The following PCSK5 variants were observed in gnomAD, a reference collection of about 807,000 sequenced individuals.
The protein encoded by PCSK5 is proprotein convertase subtilisin/kexin type 5.
PCSK5 carries 129 observed loss-of-function variants against 233.2 expected under a neutral mutation model. The observed-to-expected ratio is 0.55, with a 90% CI of 0.48 to 0.64. PCSK5 has a LOEUF of 0.64. Among genes scored for constraint, PCSK5 ranks in the 30% least tolerant of loss-of-function variants. The probability of loss-of-function intolerance (pLI) is 0.00; values close to 1 mark genes in which losing one functional copy is unlikely to be tolerated. For missense variants in PCSK5, 2,076 were observed against 2,430.1 expected (o/e 0.85, Z 3.06); for synonymous variants, 825 against 879.2 (o/e 0.94, Z 1.09).
At position 76,323,932 on chromosome 9, in the gene PCSK5, A is replaced by ATTTTTTTTTTTT. The variant is rs60451634; in HGVS notation, c.4339+649_4339+660dup. Among the ~76,000 whole-genome samples, 4 of 139,406 alleles carry ATTTTTTTTTTTT rather than the reference A, an allele frequency of 2.9e-5. 1 individual carries two copies. The highest frequency in any genetic ancestry group is 4.6e-5 in the Non-Finnish European group (3 of 65,110). The allele number at this position is 139,406 out of a possible 152,430, so 91.5% of individuals were successfully genotyped here. A position where few individuals can be genotyped will look rare whatever the true frequency, so the allele number is the denominator to read the frequency against. On this transcript the variant is annotated intron_variant, in intron 32 of 37. Transcript: ENST00000674117. ...TGCCTCTTGTCTCCCTTCCTGGGTG[A>ATTTTTTTTTTTT]TTTTTTTTTTTTTTTTGAGACAGAG...
intron 6 of PCSK5, among the ~76,000 whole-genome samples, 159 bp downstream of exon 6, chr9:76,068,202 C>T (rs781136670): frequency 4.6e-5 from 7 of 152,076 alleles, no homozygotes; most frequent in Non-Finnish European, 7.4e-5. Context: ...TGTTAGCATG[C>T]GCCTTTAAAT....
chr9:75,999,774 G>A (rs1827187073), intron 3 of PCSK5, among the ~76,000 whole-genome samples: 1 of 152,182 alleles, frequency 6.6e-6, no homozygotes, highest in Non-Finnish European at 1.5e-5. Flanking sequence ...AGATTTTGGG[G>A]CGCTTGCTCC....
At chr9:76,345,669 G>A (rs1044221936) in intron 35 of PCSK5, among the ~76,000 whole-genome samples, 2 of 151,924 alleles carry the variant, frequency 1.3e-5, no homozygotes, top group African/African-American at 4.8e-5. Context: ...TGATACACCC[G>A]CCTCAGCCTC....
chr9:75,908,988 T>TATCC (rs1468524190), intron 1 of PCSK5, among the ~76,000 whole-genome samples: 1 of 139,804 alleles, frequency 7.2e-6, no homozygotes, highest in African/African-American at 2.6e-5. Context: ...TCTATCTATC[T>TATCC]ATCCGATTTT....
intron 3 of PCSK5, among the ~76,000 whole-genome samples, chr9:75,993,230 G>A (rs1389158407): frequency 6.6e-6 from 1 of 151,974 alleles, no homozygotes; most frequent in Non-Finnish European, 1.5e-5. Context: ...AGGCAAGCAG[G>A]AGACCTCCTG....
intron 24 of PCSK5, among the ~76,000 whole-genome samples, chr9:76,246,321 G>A (rs1826592238): frequency 2.5e-5 from 3 of 122,262 alleles, no homozygotes; most frequent in African/African-American, 6.2e-5. Context: ...CACCCTGGGC[G>A]ACAGAGCGAG....
At chr9:76,126,228 C>T (rs955613796) in intron 9 of PCSK5, among the ~76,000 whole-genome samples, 7 of 149,766 alleles carry the variant, frequency 4.7e-5, no homozygotes, top group African/African-American at 1.7e-4. Flanking sequence ...ATTTTTTGTT[C>T]CTATCGATGA....
intron 3 of PCSK5, among the ~76,000 whole-genome samples, chr9:75,996,497 A>G (rs1339911809): frequency 6.6e-6 from 1 of 152,218 alleles, no homozygotes; most frequent in Non-Finnish European, 1.5e-5. Flanking sequence ...AATTATGATA[A>G]CTGCGATTTC....
At chr9:76,011,274 T>C (rs1448237014) in intron 3 of PCSK5, among the ~76,000 whole-genome samples, 1 of 152,204 alleles carries the variant, frequency 6.6e-6, no homozygotes. Flanking sequence ...AAATGCATTA[T>C]GGGATCCTTC....
chr9:76,356,804 G>A (rs1445389812), intron 37 of PCSK5, among the ~76,000 whole-genome samples: 1 of 152,092 alleles, frequency 6.6e-6, no homozygotes, highest in Non-Finnish European at 1.5e-5. Flanking sequence ...TTGCACCTTG[G>A]CAGCAGTGTT....
chr9:76,152,691 C>A (rs144695845), intron 10 of PCSK5, among the ~76,000 whole-genome samples: 1,586 of 152,226 alleles, frequency 0.01, 30 homozygotes, highest in African/African-American at 0.036. Flanking sequence ...TAAGGACAGT[C>A]CACTAAAAGA....
chr9:76,227,387 T>C, intron 20 of PCSK5, 116 bp from the exon 21 acceptor site: 2 of 699,404 alleles, frequency 2.9e-6, no homozygotes, highest in Non-Finnish European at 5.1e-6. Context: ...GCCTCTCCTC[T>C]CTGTGTTGTC....
chr9:75,891,065 C>CGAGCTGCGGCGGCCCGGGGCTGA lies in PCSK5; in HGVS notation c.-95_-94insAGAGCTGCGGCGGCCCGGGGCTG. 4.1e-6 allele frequency: 4 copies of CGAGCTGCGGCGGCCCGGGGCTGA among 968,128 alleles called. No homozygotes were observed. Among genetic ancestry groups the CGAGCTGCGGCGGCCCGGGGCTGA allele is most frequent in the Non-Finnish European group, 5.6e-6 (4 of 720,128 alleles). 60.0% of individuals were successfully genotyped at this position (968,128 alleles called of 1,614,324 possible). A position where few individuals can be genotyped will look rare whatever the true frequency, so the allele number is the denominator to read the frequency against. ...GCCTCCTGCCGATCGCCCGGGGCTG[C>CGAGCTGCGGCGGCCCGGGGCTGA]GAGCTGCGGCGGCCCGGGGCTGCTC... On this transcript the variant is annotated 5_prime_UTR_variant, in exon 1 of 38. Transcript: ENST00000674117.
At chr9:76,037,980 C>A (rs990770797) in intron 5 of PCSK5, among the ~76,000 whole-genome samples, 3 of 152,128 alleles carry the variant, frequency 2.0e-5, no homozygotes, top group African/African-American at 7.2e-5. Flanking sequence ...ATCCACGCAC[C>A]AGCTGCATGT....
chr9:76,255,361 T>A (rs1826950672), intron 24 of PCSK5, among the ~76,000 whole-genome samples: 1 of 152,158 alleles, frequency 6.6e-6, no homozygotes. Flanking sequence ...AAGCCACTGA[T>A]TAAGATAGAT....
rs573070951 is a variant in PCSK5 at position 76,177,238 on chromosome 9, G to A, written c.1900+2109G>A. On this transcript the variant is annotated intron_variant, in intron 14 of 37. Coordinates refer to ENST00000674117, the MANE Select transcript of PCSK5 (RefSeq NM_001372043.1). ...GAACTCAGGAGGCGGAGGTTGTAGT[G>A]AGCCGGGATCGTGCCACTTCACTCC... is the stretch of plus-strand genomic sequence containing the variant. 7.1e-4 allele frequency among the ~76,000 whole-genome samples: 108 copies of A among 152,164 alleles called. No homozygotes were observed. The South Asian group carries it at 0.011, about 15-fold the overall frequency.
Position 76,169,798 on chromosome 9 carries a change from G to A in PCSK5, c.1714G>A (p.Val572Ile). ...AGCTGCTGGTGACTGGGTCCTTGAAGTTTATGATACTCCCTCTCAGCTAAG... is the reference window on the plus strand; with the variant it reads ...AGCTGCTGGTGACTGGGTCCTTGAAATTTATGATACTCCCTCTCAGCTAAG... ...ERAAGDWVLEVYDTPSQLRNF... is the reference protein window; with the variant it reads ...ERAAGDWVLEIYDTPSQLRNF... The change falls in exon 13 of 38, where the codon GTT becomes ATT. Residue 572 changes from valine to isoleucine, a missense_variant. This residue lies in a region of PCSK5 where 50 missense variants were observed against 104.7 expected (regional missense o/e 0.48). Transcript: ENST00000674117. 1.2e-6 allele frequency: 2 copies of A among 1,613,770 alleles called. No individual in the cohort carries two copies. Among genetic ancestry groups the A allele is most frequent in the Non-Finnish European group, 1.7e-6 (2 of 1,179,738 alleles).
intron 9 of PCSK5, among the ~76,000 whole-genome samples, chr9:76,122,968 G>A (rs1832705941): frequency 6.7e-6 from 1 of 150,232 alleles, no homozygotes; most frequent in African/African-American, 2.5e-5. Context: ...CTCCCGAGTA[G>A]CTGGGATTAC....
chr9:76,184,543 G>A (rs1236521035), intron 16 of PCSK5, 130 bp from the exon 17 acceptor site: 3 of 536,096 alleles, frequency 5.6e-6, no homozygotes, highest in Non-Finnish European at 9.8e-6. Flanking sequence ...TGATTCTGTG[G>A]CTTTTCCTGC....
Sources: gnomAD v4.1 joint callset for allele counts (sites outside exome capture counted in the v4.1 genomes callset) on GRCh38, gnomAD v4.1.1 for gene constraint, gnomAD v4.1.1 regional missense constraint, MANE v1.5 for transcripts, NCBI Gene and HGNC (gene_info 2026-07-23, HGNC 2026-07-21) for gene names.